ATG10: variants seen among roughly 807,000 people sequenced by gnomAD.
ATG10 encodes autophagy related 10, also known as ubiquitin-like-conjugating enzyme ATG10.
In ATG10, 30 loss-of-function variants were observed where a neutral mutation model predicts 32.1. That is an observed-to-expected ratio of 0.94 (90% confidence interval 0.70 to 1.27). The LOEUF (loss-of-function observed/expected upper bound fraction) is 1.27. Among genes scored for constraint, ATG10 ranks in the 50% most tolerant of loss-of-function variants. ATG10 has a pLI of 0.00. For missense variants in ATG10, 233 were observed against 262.3 expected (o/e 0.89, Z 0.77); for synonymous variants, 87 against 91.5 (o/e 0.95, Z 0.28).
chr5:82,035,241 C>A (rs1762880270), intron 2 of ATG10, among the ~76,000 whole-genome samples: 1 of 152,126 alleles, frequency 6.6e-6, no homozygotes, highest in Non-Finnish European at 1.5e-5. Flanking sequence ...CACTTAAAAC[C>A]ACTTGTTCTA....
intron 5 of ATG10, among the ~76,000 whole-genome samples, chr5:82,203,261 C>T (rs1349014718): frequency 1.3e-5 from 2 of 151,824 alleles, no homozygotes; most frequent in Non-Finnish European, 2.9e-5. Context: ...AAATTTTCCA[C>T]CTTTCCAGGT....
chr5:81,989,034 G>T (rs1480672183), intron 2 of ATG10, among the ~76,000 whole-genome samples: 1 of 152,118 alleles, frequency 6.6e-6, no homozygotes, highest in Non-Finnish European at 1.5e-5. Flanking sequence ...GTTTGGCCAT[G>T]TTGGCCAGGC....
chr5:82,093,179 A>G (rs1764948002), intron 3 of ATG10, among the ~76,000 whole-genome samples: 1 of 152,168 alleles, frequency 6.6e-6, no homozygotes, highest in Non-Finnish European at 1.5e-5. Flanking sequence ...ATGTGGTTTT[A>G]TAATTTTAAA....
intron 3 of ATG10, among the ~76,000 whole-genome samples, chr5:82,159,811 A>T (rs2149893701): frequency 6.6e-6 from 1 of 152,294 alleles, no homozygotes; most frequent in South Asian, 2.1e-4. Flanking sequence ...TTTAGTTTTT[A>T]ACAAGCCTCA....
chr5:82,229,902 C>T (rs1307676686), intron 5 of ATG10, among the ~76,000 whole-genome samples: 2 of 152,186 alleles, frequency 1.3e-5, no homozygotes, highest in Non-Finnish European at 2.9e-5. Flanking sequence ...TCATTGGAAA[C>T]TCACGTCATA....
At chr5:82,241,684 G>C (rs1363878135) in intron 5 of ATG10, among the ~76,000 whole-genome samples, 1 of 151,956 alleles carries the variant, frequency 6.6e-6, no homozygotes, top group East Asian at 1.9e-4. Flanking sequence ...TCCTCTCTTG[G>C]TCAGGGGTCT....
chr5:82,012,529 T>C (rs999490714), intron 2 of ATG10, among the ~76,000 whole-genome samples: 1 of 152,228 alleles, frequency 6.6e-6, no homozygotes, highest in Non-Finnish European at 1.5e-5. Flanking sequence ...CCTCCCAAGT[T>C]TGGCTTAGAT....
chr5:82,040,522 CAG>C (rs1013954617), intron 2 of ATG10, among the ~76,000 whole-genome samples: 20 of 151,984 alleles, frequency 1.3e-4, no homozygotes, highest in Non-Finnish European at 2.5e-4. Context: ...TTTGAATTCT[CAG>C]GGGAAAAACT....
At chr5:82,225,527 A>G (rs1284706776) in intron 5 of ATG10, among the ~76,000 whole-genome samples, 2 of 152,240 alleles carry the variant, frequency 1.3e-5, no homozygotes, top group African/African-American at 4.8e-5. Context: ...AAGTCCATCT[A>G]GCTGCTGCTT....
chr5:82,038,042 A>G (rs77536301), intron 2 of ATG10, among the ~76,000 whole-genome samples: 1 of 152,336 alleles, frequency 6.6e-6, no homozygotes, highest in East Asian at 1.9e-4. Flanking sequence ...GGCTAACCTA[A>G]GTAACAACAG....
intron 3 of ATG10, among the ~76,000 whole-genome samples, chr5:82,116,513 T>G (rs1366105623): frequency 2.0e-5 from 3 of 152,128 alleles, no homozygotes; most frequent in Non-Finnish European, 4.4e-5. Context: ...TATTATACAT[T>G]TTATATGTAT....
chr5:81,990,091 A>C (rs1761410855), intron 2 of ATG10, among the ~76,000 whole-genome samples: 1 of 152,044 alleles, frequency 6.6e-6, no homozygotes, highest in South Asian at 2.1e-4. Flanking sequence ...ATTGTTTTTT[A>C]AATTGACTTC....
chr5:82,252,788 A>C, intron 6 of ATG10, 129 bp downstream of exon 6: 1 of 623,282 alleles, frequency 1.6e-6, no homozygotes, highest in Non-Finnish European at 2.8e-6. Context: ...AATGATTTTT[A>C]GGATATGCTA....
rs552722030 is a variant in ATG10 at position 82,255,161 on chromosome 5, G to A, written c.*1098G>A. ...CTGTACTCTTTGAGGGCTCTTGAGC[G>A]AGTCTTCATGTCCCTGAGACTTATT... On this transcript the variant is annotated 3_prime_UTR_variant, in exon 8 of 8. Transcript: ENST00000282185. 1.1e-4 allele frequency: 16 copies of A among 152,246 alleles called. No homozygotes were observed. The highest frequency in any genetic ancestry group is 6.5e-4 in the Admixed American group (10 of 15,290). 9.4% of individuals were successfully genotyped at this position (152,246 alleles called of 1,614,324 possible). A position where few individuals can be genotyped will look rare whatever the true frequency, so the allele number is the denominator to read the frequency against.
chr5:81,972,713 A>G (rs1011033230), intron 1 of ATG10: 8 of 152,228 alleles, frequency 5.3e-5, no homozygotes, highest in African/African-American at 1.9e-4. Flanking sequence ...TTTCAGATTA[A>G]GTATCAGGAG....
intron 5 of ATG10, among the ~76,000 whole-genome samples, chr5:82,192,673 A>G (rs1046761939): frequency 6.6e-6 from 1 of 152,204 alleles, no homozygotes; most frequent in African/African-American, 2.4e-5. Flanking sequence ...TTTGCTTAGC[A>G]TTGTGGGGCA....
At chr5:82,092,693 T>C (rs1033831753) in intron 3 of ATG10, among the ~76,000 whole-genome samples, 1 of 152,198 alleles carries the variant, frequency 6.6e-6, no homozygotes, top group Admixed American at 6.5e-5. Flanking sequence ...CCTGGAAGCT[T>C]ATGCTCCAGA....
chr5:82,164,645 A>G, intron 4 of ATG10, 108 bp downstream of exon 4: 1 of 1,136,548 alleles, frequency 8.8e-7, no homozygotes, highest in African/African-American at 1.6e-5. Flanking sequence ...GTTAAAAATG[A>G]GAAAACTGTG....
At chr5:82,239,126 T>C (rs1006296009) in intron 5 of ATG10, among the ~76,000 whole-genome samples, 10 of 152,154 alleles carry the variant, frequency 6.6e-5, no homozygotes, top group Non-Finnish European at 1.3e-4. Context: ...GATACTGAAG[T>C]TTTTATCTTA....
Sources: allele counts gnomAD v4.1 joint callset (sites outside exome capture counted in the v4.1 genomes callset), GRCh38; gene constraint gnomAD v4.1.1; transcripts MANE v1.5; gene names NCBI Gene and HGNC (gene_info 2026-07-23, HGNC 2026-07-21).